PAPPA: variants seen among roughly 807,000 people sequenced by gnomAD.
The protein encoded by PAPPA is pappalysin 1, also known as pappalysin-1.
Under a neutral mutation model 164.0 loss-of-function variants are expected in PAPPA, and 60 were observed. The ratio of observed to expected loss-of-function variants is 0.37; its 90% CI spans 0.30 to 0.45. PAPPA has a LOEUF of 0.45. Ranked by LOEUF, PAPPA falls within the 20% of genes least tolerant of loss-of-function variation. The pLI is 1.00. For synonymous variants in PAPPA, 875 were observed against 814.1 expected (o/e 1.07, Z -1.27); for missense variants, 1,782 against 2,087.3 (o/e 0.85, Z 2.85).
At chr9:116,302,154 A>G (rs1453944609) in intron 9 of PAPPA, among the ~76,000 whole-genome samples, 1 of 152,206 alleles carries the variant, frequency 6.6e-6, no homozygotes, top group Non-Finnish European at 1.5e-5. Flanking sequence ...GAAGAATAAT[A>G]TCTTCCACAT....
At chr9:116,377,825 C>T (rs565903942) in intron 20 of PAPPA, among the ~76,000 whole-genome samples, 178 bp downstream of exon 20, 1 of 152,258 alleles carries the variant, frequency 6.6e-6, no homozygotes, top group East Asian at 1.9e-4. Context: ...GGAATTGAGG[C>T]ACAGAGATAT....
intron 1 of PAPPA, among the ~76,000 whole-genome samples, chr9:116,158,443 C>T (rs951741466): frequency 6.6e-6 from 1 of 152,188 alleles, no homozygotes; most frequent in African/African-American, 2.4e-5. Context: ...TATGTGGAAT[C>T]TCTGCCCCTA....
intron 11 of PAPPA, among the ~76,000 whole-genome samples, 174 bp from the exon 12 acceptor site, chr9:116,332,159 C>T (rs140024088): frequency 6.6e-6 from 1 of 152,130 alleles, no homozygotes; most frequent in Non-Finnish European, 1.5e-5. Context: ...GATCTCAGAG[C>T]CTGTGCTCTT....
chr9:116,225,868 C>T (rs438445), intron 5 of PAPPA, among the ~76,000 whole-genome samples: 70,120 of 151,594 alleles, frequency 0.46, 16,825 homozygotes, highest in East Asian at 0.73. Context: ...CATGCATACA[C>T]CCATCCATTC....
chr9:116,201,725 G>C (rs992865510), intron 2 of PAPPA, among the ~76,000 whole-genome samples: 1 of 152,218 alleles, frequency 6.6e-6, no homozygotes, highest in African/African-American at 2.4e-5. Context: ...GACAGGGTCA[G>C]TTGTCCAAGA....
At chr9:116,166,718 AAAGTTGCATGACTCCCTG>A (rs1166879595) in intron 1 of PAPPA, among the ~76,000 whole-genome samples, 4 of 152,226 alleles carry the variant, frequency 2.6e-5, no homozygotes, top group Non-Finnish European at 5.9e-5. Flanking sequence ...ACTGGGTTAT[AAAGTTGCATGACTCCCTG>A]AAGTACCAAT....
Position 116,220,659 on chromosome 9 carries a change from T to G in PAPPA, c.2111+530T>G, listed in dbSNP as rs186760280. On this transcript the variant is annotated intron_variant, in intron 5 of 21. Transcript: ENST00000328252. ...ATTCCAGCACTTTGGGAGGCCAAGGTGGGCAGATCATGAGGTCAGGAGTTC... is the reference window on the plus strand; with the variant it reads ...ATTCCAGCACTTTGGGAGGCCAAGGGGGGCAGATCATGAGGTCAGGAGTTC... Among the ~76,000 whole-genome samples the G allele has an allele frequency of 3.5e-3, 532 of 151,840 alleles. 1 individual carries two copies. Among genetic ancestry groups the G allele is most frequent in the Non-Finnish European group, 5.2e-3 (356 of 67,962 alleles).
chr9:116,331,927 T>TG (rs1245678266), intron 11 of PAPPA, among the ~76,000 whole-genome samples: 3 of 152,214 alleles, frequency 2.0e-5, no homozygotes, highest in Admixed American at 6.5e-5. Flanking sequence ...GCACCTTTTT[T>TG]TGTGTGTGTG....
chr9:116,228,459 C>G (rs1844543720), intron 6 of PAPPA, among the ~76,000 whole-genome samples: 1 of 152,136 alleles, frequency 6.6e-6, no homozygotes, highest in Admixed American at 6.5e-5. Context: ...CCAGTGAGAA[C>G]TCCTCCGCTA....
chr9:116,322,492 A>G (rs1284236553), intron 10 of PAPPA, among the ~76,000 whole-genome samples: 1 of 151,440 alleles, frequency 6.6e-6, no homozygotes, highest in East Asian at 1.9e-4. Context: ...ACATCATCTG[A>G]TAAAAACAGC....
chr9:116,252,450 T>C (rs950388824), intron 7 of PAPPA, among the ~76,000 whole-genome samples: 2 of 152,228 alleles, frequency 1.3e-5, no homozygotes, highest in African/African-American at 4.8e-5. Context: ...TTCTTGGCAC[T>C]GAGTCCTCAG....
intron 19 of PAPPA, among the ~76,000 whole-genome samples, chr9:116,374,182 A>ATGGTGGTGATGATGATGG (rs1846617970): frequency 8.7e-6 from 1 of 115,390 alleles, no homozygotes; most frequent in Non-Finnish European, 1.9e-5. Flanking sequence ...GATGATGATG[A>ATGGTGGTGATGATGATGG]TGGTGGTGAT....
intron 7 of PAPPA, among the ~76,000 whole-genome samples, chr9:116,255,407 T>G (rs1012381706): frequency 1.3e-5 from 2 of 152,058 alleles, no homozygotes; most frequent in Non-Finnish European, 2.9e-5. Flanking sequence ...GTAAAGTAAC[T>G]AAACTAAAAA....
At chr9:116,331,442 T>C (rs1845989992) in intron 11 of PAPPA, 85 bp downstream of exon 11, 1 of 803,464 alleles carries the variant, frequency 1.2e-6, no homozygotes, top group Non-Finnish European at 2.2e-6. Context: ...TGAAGATGGG[T>C]TGTCTACCTG....
intron 1 of PAPPA, among the ~76,000 whole-genome samples, chr9:116,167,382 GTATTA>G (rs1843729725): frequency 6.6e-6 from 1 of 152,126 alleles, no homozygotes; most frequent in Admixed American, 6.6e-5. Context: ...TTTTTATTAA[GTATTA>G]TATTTTAATT....
chr9:116,262,988 C>T (rs1308370766), intron 7 of PAPPA, among the ~76,000 whole-genome samples: 1 of 152,118 alleles, frequency 6.6e-6, no homozygotes, highest in Non-Finnish European at 1.5e-5. Flanking sequence ...AGGAATTTTT[C>T]CGTGGAAAAC....
chr9:116,210,180 G>A (rs1844289414), intron 3 of PAPPA, among the ~76,000 whole-genome samples: 1 of 152,058 alleles, frequency 6.6e-6, no homozygotes, highest in African/African-American at 2.4e-5. Context: ...ATACCCAAGT[G>A]AATGTGCACA....
chr9:116,187,814 A>G lies in PAPPA; in HGVS notation c.1076A>G (p.Asn359Ser), dbSNP rs201106297. The change falls in exon 2 of 22, where the codon AAC (asparagine) becomes AGC (serine). Residue 359 changes from asparagine to serine, a missense_variant. This residue lies in a region of PAPPA where 1,324 missense variants were observed against 1,656.9 expected (regional missense o/e 0.80). Transcript: ENST00000328252. This position sits in a 1 kb window ranked among gnomAD's most constrained non-coding sequence, Gnocchi z 4.2. ...AAGGTGGTGCGCTACCGCGTGGTCA[A>G]CCTCTATGAAGATGATCATAAGAAC... is the stretch of plus-strand genomic sequence containing the variant. Reference protein sequence around the residue: ...QPKVVRYRVVNLYEDDHKNPT... With the variant: ...QPKVVRYRVVSLYEDDHKNPT... 29 of 1,614,102 alleles carry G rather than the reference A, an allele frequency of 1.8e-5. No homozygotes were observed. The highest frequency in any genetic ancestry group is 9.9e-5 in the South Asian group (9 of 91,088).
intron 17 of PAPPA, among the ~76,000 whole-genome samples, chr9:116,358,681 A>T (rs1846384051): frequency 6.6e-6 from 1 of 152,052 alleles, no homozygotes; most frequent in Non-Finnish European, 1.5e-5. Flanking sequence ...GTTTATTTTC[A>T]TGTCTTCTAA....
Sources: gnomAD v4.1 joint callset for allele counts (sites outside exome capture counted in the v4.1 genomes callset) on GRCh38, gnomAD v4.1.1 for gene constraint, gnomAD v4.1.1 regional missense constraint, Gnocchi (gnomAD v3.1) non-coding constraint, MANE v1.5 for transcripts, NCBI Gene and HGNC (gene_info 2026-07-23, HGNC 2026-07-21) for gene names.